Variants in MPPED2 observed in about 807,000 individuals in gnomAD.
MPPED2 encodes the protein metallophosphoesterase domain containing 2.
A neutral mutation model predicts 33.0 loss-of-function variants in MPPED2; 5 were observed. That is an observed-to-expected ratio of 0.15 (90% confidence interval 0.08 to 0.32). The LOEUF is 0.32. Ranked by LOEUF, MPPED2 falls within the 10% of genes least tolerant of loss-of-function variation. MPPED2 has a pLI of 1.00. For missense variants in MPPED2, 275 were observed against 372.1 expected, an observed-to-expected ratio of 0.74 and a Z score of 2.15; for synonymous variants, 136 against 141.9, an observed-to-expected ratio of 0.96 and a Z score of 0.29.
At chr11:30,452,854 G>A (rs1181543035) in intron 4 of MPPED2, among the ~76,000 whole-genome samples, 1 of 152,086 alleles carries the variant, frequency 6.6e-6, no homozygotes, top group Non-Finnish European at 1.5e-5. Context: ...AAAAAGGATG[G>A]TGGAAACTTA....
At chr11:30,404,654 T>G (rs936398529) in intron 6 of MPPED2, among the ~76,000 whole-genome samples, 2 of 152,194 alleles carry the variant, frequency 1.3e-5, no homozygotes, top group African/African-American at 4.8e-5. Flanking sequence ...ACCCCAACTT[T>G]CTTTTATTGT....
chr11:30,543,257 C>G (rs11823047), intron 2 of MPPED2, among the ~76,000 whole-genome samples: 1,682 of 152,266 alleles, frequency 0.011, 29 homozygotes, highest in African/African-American at 0.038. Flanking sequence ...ACATACAGGT[C>G]TCTTCAGAGG....
chr11:30,564,179 T>C (rs527943782), intron 2 of MPPED2, among the ~76,000 whole-genome samples: 41 of 152,318 alleles, frequency 2.7e-4, no homozygotes, highest in Non-Finnish European at 5.9e-4. Flanking sequence ...GTATTTTTAG[T>C]GGCTTCTTCT....
Position 30,411,339 on chromosome 11 carries a change from C to T in MPPED2, c.*129G>A, listed in dbSNP as rs1948093747. On this transcript the variant is annotated 3_prime_UTR_variant, in exon 7 of 7. Coordinates refer to ENST00000358117, the MANE Select transcript of MPPED2 (RefSeq NM_001584.3). Reference sequence around the variant, plus strand: ...AAATAAGAAGCACAACCTCTAGCATCATTTGTGTTCCAACAATTTACAAAA... The same window carrying T: ...AAATAAGAAGCACAACCTCTAGCATTATTTGTGTTCCAACAATTTACAAAA... The T allele has an allele frequency of 1.4e-5, 19 of 1,369,778 alleles. No individual in the cohort carries two copies. Among genetic ancestry groups the T allele is most frequent in the Non-Finnish European group, 1.4e-5 (15 of 1,049,860 alleles). The allele number at this position is 1,369,778 out of a possible 1,614,324, so 84.9% of individuals were successfully genotyped here. A position where few individuals can be genotyped will look rare whatever the true frequency, so the allele number is the denominator to read the frequency against.
At chr11:30,576,023 A>T (rs1248059357) in intron 2 of MPPED2, among the ~76,000 whole-genome samples, 1 of 152,226 alleles carries the variant, frequency 6.6e-6, no homozygotes, top group Non-Finnish European at 1.5e-5. Flanking sequence ...GTTTAAAATT[A>T]AAAACCCAGA....
intron 4 of MPPED2, 138 bp from the exon 5 acceptor site, chr11:30,417,771 G>T: frequency 1.7e-6 from 1 of 605,662 alleles, no homozygotes; most frequent in Non-Finnish European, 3.0e-6. Flanking sequence ...GCAGCAGGAT[G>T]CTTTTTTGTT....
At chr11:30,570,498 T>C (rs767644185) in intron 2 of MPPED2, among the ~76,000 whole-genome samples, 2 of 152,148 alleles carry the variant, frequency 1.3e-5, no homozygotes, top group East Asian at 1.9e-4. Flanking sequence ...CTAAGAGCAA[T>C]AGTTAAGATT....
chr11:30,417,323 C>A (rs575206260), intron 5 of MPPED2, among the ~76,000 whole-genome samples, 195 bp downstream of exon 5: 35 of 152,070 alleles, frequency 2.3e-4, no homozygotes, highest in African/African-American at 7.2e-4. Flanking sequence ...AATTTAATTT[C>A]AAGAACACCT....
chr11:30,577,697 C>T (rs1014893106), intron 2 of MPPED2, among the ~76,000 whole-genome samples: 1 of 152,122 alleles, frequency 6.6e-6, no homozygotes, highest in African/African-American at 2.4e-5. Flanking sequence ...CTGTGTGAGG[C>T]CATCAGGCCT....
intron 4 of MPPED2, among the ~76,000 whole-genome samples, chr11:30,475,128 C>A (rs1951121986): frequency 6.6e-6 from 1 of 152,108 alleles, no homozygotes; most frequent in Admixed American, 6.6e-5. Flanking sequence ...TTATTTTCAT[C>A]TTTTTTCTCT....
At chr11:30,419,105 G>A (rs1300843674) in intron 4 of MPPED2, among the ~76,000 whole-genome samples, 1 of 152,034 alleles carries the variant, frequency 6.6e-6, no homozygotes, top group East Asian at 1.9e-4. Context: ...AATATGAGGA[G>A]AATAATTATA....
chr11:30,408,921 C>G (rs754435832), downstream of MPPED2, among the ~76,000 whole-genome samples: 11 of 152,168 alleles, frequency 7.2e-5, no homozygotes, highest in Admixed American at 2.0e-4. Flanking sequence ...GTAGAAAGCT[C>G]TGGGCATCTG....
chr11:30,544,996 C>T (rs1955332374), intron 2 of MPPED2, among the ~76,000 whole-genome samples: 1 of 152,154 alleles, frequency 6.6e-6, no homozygotes, highest in Non-Finnish European at 1.5e-5. Context: ...AAGCACTTAG[C>T]ATGTTCAGGG....
At chr11:30,577,870 T>C (rs1296060371) in intron 2 of MPPED2, among the ~76,000 whole-genome samples, 1 of 152,216 alleles carries the variant, frequency 6.6e-6, no homozygotes, top group Non-Finnish European at 1.5e-5. Context: ...CTCTATTCAA[T>C]GCATAATCAA....
At chr11:30,407,444 G>A (rs549589081), downstream of MPPED2, among the ~76,000 whole-genome samples, 10 of 152,286 alleles carry the variant, frequency 6.6e-5, no homozygotes, top group South Asian at 4.1e-4. Flanking sequence ...TCCCTTATCC[G>A]CCTCCCACTA....
At chr11:30,418,641 G>A (rs942486156) in intron 4 of MPPED2, among the ~76,000 whole-genome samples, 14 of 152,220 alleles carry the variant, frequency 9.2e-5, no homozygotes, top group African/African-American at 2.9e-4. Flanking sequence ...CAGACAAGTC[G>A]GTCAATTTTC....
At chr11:30,439,577 T>C (rs1306136113) in intron 4 of MPPED2, among the ~76,000 whole-genome samples, 2 of 152,150 alleles carry the variant, frequency 1.3e-5, no homozygotes, top group Admixed American at 1.3e-4. Flanking sequence ...TACGGTGCCC[T>C]AGAAACCCCA....
At chr11:30,389,648 C>T (rs1337090379) in intron 6 of MPPED2, among the ~76,000 whole-genome samples, 1 of 152,150 alleles carries the variant, frequency 6.6e-6, no homozygotes, top group Non-Finnish European at 1.5e-5. Context: ...TCCTATCATA[C>T]ACTGTGCCAC....
intron 6 of MPPED2, among the ~76,000 whole-genome samples, chr11:30,397,804 A>C (rs1166073785): frequency 2.0e-5 from 3 of 152,090 alleles, no homozygotes; most frequent in Admixed American, 1.3e-4. Context: ...TGCTGTTTTA[A>C]CAAATCCCAT....
Sources: allele counts gnomAD v4.1 joint callset (sites outside exome capture counted in the v4.1 genomes callset), GRCh38; gene constraint gnomAD v4.1.1; transcripts MANE v1.5; gene names NCBI Gene and HGNC (gene_info 2026-07-23, HGNC 2026-07-21).